The following DACH1 variants were observed in gnomAD, a reference collection of about 807,000 sequenced individuals.
DACH1 encodes dachshund family transcription factor 1, also known as dachshund homolog 1.
A neutral mutation model predicts 54.2 loss-of-function variants in DACH1; 12 were observed. That is an observed-to-expected ratio of 0.22 (90% CI 0.14 to 0.36). The LOEUF is 0.36. Ranked by LOEUF, DACH1 falls within the 10% of genes least tolerant of loss-of-function variation. DACH1 has a pLI of 1.00. For missense variants in DACH1, 805 were observed against 929.8 expected, an observed-to-expected ratio of 0.87 and a Z score of 1.75; for synonymous variants, 386 against 366.2, an observed-to-expected ratio of 1.05 and a Z score of -0.62.
chr13:71,792,555 G>A (rs185214707), intron 1 of DACH1, among the ~76,000 whole-genome samples: 1 of 152,228 alleles, frequency 6.6e-6, no homozygotes, highest in East Asian at 1.9e-4. Flanking sequence ...AAAAAATATT[G>A]TCAAACTCAA....
At chr13:71,608,054 A>C (rs1875010398) in intron 3 of DACH1, among the ~76,000 whole-genome samples, 1 of 144,520 alleles carries the variant, frequency 6.9e-6, no homozygotes, top group Admixed American at 6.8e-5. Flanking sequence ...TAGAGATTAC[A>C]ATGTGTATAT....
intron 2 of DACH1, among the ~76,000 whole-genome samples, chr13:71,639,026 G>A (rs994594303): frequency 6.6e-6 from 1 of 152,064 alleles, no homozygotes; most frequent in Non-Finnish European, 1.5e-5. Context: ...TGCATTGTAA[G>A]CTCCACATGA....
intron 3 of DACH1, among the ~76,000 whole-genome samples, chr13:71,616,407 A>T (rs1457616263): frequency 1.3e-5 from 2 of 152,170 alleles, no homozygotes; most frequent in Non-Finnish European, 2.9e-5. Context: ...AGTTATGTCC[A>T]ATTTCATTAT....
intron 1 of DACH1, among the ~76,000 whole-genome samples, chr13:71,718,672 T>C (rs1275081652): frequency 6.6e-6 from 1 of 152,130 alleles, no homozygotes; most frequent in African/African-American, 2.4e-5. Flanking sequence ...ATCAGGATGT[T>C]GTAAAATTGA....
intron 10 of DACH1, among the ~76,000 whole-genome samples, chr13:71,459,817 CAT>C (rs1349268404): frequency 1.3e-5 from 2 of 151,894 alleles, no homozygotes; most frequent in East Asian, 1.9e-4. Context: ...AAATTATACA[CAT>C]ATTTTTTCAT....
intron 1 of DACH1, among the ~76,000 whole-genome samples, chr13:71,810,671 T>C (rs1456757889): frequency 6.6e-6 from 1 of 152,182 alleles, no homozygotes; most frequent in Non-Finnish European, 1.5e-5. Context: ...TGCTCTAATC[T>C]TTTAGCACAA....
At chr13:71,461,814 A>G (rs1199352329) in intron 10 of DACH1, among the ~76,000 whole-genome samples, 1 of 152,022 alleles carries the variant, frequency 6.6e-6, no homozygotes, top group African/African-American at 2.4e-5. Flanking sequence ...AAACTATATT[A>G]ACCAGTATAA....
chr13:71,796,258 T>G (rs1887046245), intron 1 of DACH1, among the ~76,000 whole-genome samples: 1 of 152,160 alleles, frequency 6.6e-6, no homozygotes, highest in Non-Finnish European at 1.5e-5. Flanking sequence ...ACTTAAAGGT[T>G]TCTTTAAAGA....
At chr13:71,684,628 G>C (rs1172236850) in intron 1 of DACH1, among the ~76,000 whole-genome samples, 2 of 152,062 alleles carry the variant, frequency 1.3e-5, no homozygotes, top group African/African-American at 4.8e-5. Flanking sequence ...CTCTACGATA[G>C]AGCATGGGGA....
chr13:71,700,963 C>T (rs544592884), intron 1 of DACH1, among the ~76,000 whole-genome samples: 53 of 152,218 alleles, frequency 3.5e-4, no homozygotes, highest in South Asian at 6.2e-4. Context: ...TTTCTAGGAA[C>T]CTTTCCCCAA....
At chr13:71,734,292 AC>A (rs1263035789) in intron 1 of DACH1, among the ~76,000 whole-genome samples, 1 of 848 alleles carries the variant, frequency 1.2e-3, no homozygotes, top group Non-Finnish European at 6.6e-3. Context: ...ATATACGTAT[AC>A]CCCATATATA....
At position 71,675,311 on chromosome 13, in the gene DACH1, T is replaced by A; in HGVS notation, c.964+6484A>T. The A allele has an allele frequency of 3.1e-6, 5 of 1,601,626 alleles. 1 individual carries two copies. In the South Asian group the frequency reaches 5.5e-5, roughly 18 times the overall value. ...ATTGCTCAGTACTTTAAAACAGATCTGCGCTTCCAGAGCGCAGCTATCGGT... is the reference window on the plus strand; with the variant it reads ...ATTGCTCAGTACTTTAAAACAGATCAGCGCTTCCAGAGCGCAGCTATCGGT... On this transcript the variant is annotated intron_variant, in intron 2 of 10. Transcript: ENST00000613252.
chr13:71,555,788 T>C, intron 6 of DACH1, among the ~76,000 whole-genome samples: 1 of 152,126 alleles, frequency 6.6e-6, no homozygotes. Flanking sequence ...AAGTTAAAAA[T>C]TTAGAGACCA....
At chr13:71,862,580 A>G (rs973944370) in intron 1 of DACH1, among the ~76,000 whole-genome samples, 1 of 151,808 alleles carries the variant, frequency 6.6e-6, no homozygotes, top group Non-Finnish European at 1.5e-5. Context: ...TTTATTTTTT[A>G]GCTTTACTGT....
intron 3 of DACH1, among the ~76,000 whole-genome samples, chr13:71,595,099 G>A (rs1257970163): frequency 6.6e-6 from 1 of 152,126 alleles, no homozygotes; most frequent in African/African-American, 2.4e-5. Context: ...AAGGAGGTGA[G>A]AGAACAAAAT....
chr13:71,674,020 T>G (rs981759463), intron 2 of DACH1, among the ~76,000 whole-genome samples: 1 of 152,198 alleles, frequency 6.6e-6, no homozygotes, highest in African/African-American at 2.4e-5. Context: ...GTGTTTAAAT[T>G]TGTAATTGTA....
chr13:71,733,033 A>G (rs1014545616), intron 1 of DACH1, among the ~76,000 whole-genome samples: 1 of 152,122 alleles, frequency 6.6e-6, no homozygotes, highest in Non-Finnish European at 1.5e-5. Flanking sequence ...TTTCACCTCC[A>G]AACAACCAAA....
At chr13:71,526,696 A>G (rs964841956) in intron 6 of DACH1, among the ~76,000 whole-genome samples, 1 of 146,764 alleles carries the variant, frequency 6.8e-6, no homozygotes, top group African/African-American at 2.5e-5. Flanking sequence ...ATACATACAT[A>G]TGTGTGTGTG....
At chr13:71,555,547 T>C (rs933557846) in intron 6 of DACH1, among the ~76,000 whole-genome samples, 1 of 151,962 alleles carries the variant, frequency 6.6e-6, no homozygotes, top group Non-Finnish European at 1.5e-5. Flanking sequence ...TTTCACCATA[T>C]TGGTCAGGCT....
Sources: allele counts gnomAD v4.1 joint callset (sites outside exome capture counted in the v4.1 genomes callset), GRCh38; gene constraint gnomAD v4.1.1; transcripts MANE v1.5; gene names NCBI Gene and HGNC (gene_info 2026-07-23, HGNC 2026-07-21).